The following ADTRP variants were observed in gnomAD, a reference collection of about 807,000 sequenced individuals.
ADTRP encodes the protein androgen dependent TFPI regulating protein, also known as androgen-dependent TFPI-regulating protein.
A neutral mutation model predicts 27.0 loss-of-function variants in ADTRP; 20 were observed. The ratio of observed to expected loss-of-function variants is 0.74; its 90% confidence interval spans 0.52 to 1.08. The LOEUF (loss-of-function observed/expected upper bound fraction) is 1.08, where lower values mean the gene tolerates loss of function less well. Ranked by LOEUF, ADTRP falls within the 50% of genes least tolerant of loss-of-function variation. The pLI is 0.00. For missense variants in ADTRP, 251 were observed against 275.0 expected (o/e 0.91, Z 0.62); for synonymous variants, 101 against 105.2 (o/e 0.96, Z 0.25).
intron 4 of ADTRP, among the ~76,000 whole-genome samples, chr6:11,730,895 T>TGGCTGCTGTGGC (rs1424587456): frequency 6.6e-6 from 1 of 152,096 alleles, no homozygotes; most frequent in Non-Finnish European, 1.5e-5. Context: ...CCAGCTGGGG[T>TGGCTGCTGTGGC]GGTTGCTGTG....
chr6:11,739,313 G>C (rs78104315), intron 3 of ADTRP, among the ~76,000 whole-genome samples: 1,539 of 152,254 alleles, frequency 0.01, 37 homozygotes, highest in East Asian at 0.073. Flanking sequence ...TGCGTAAACA[G>C]AGGGGATCTA....
intron 1 of ADTRP, among the ~76,000 whole-genome samples, chr6:11,776,971 G>A (rs1293559485): frequency 6.6e-6 from 1 of 152,204 alleles, no homozygotes; most frequent in African/African-American, 2.4e-5. Context: ...GGCTGGATTG[G>A]ACCATGAATG....
intron 3 of ADTRP, among the ~76,000 whole-genome samples, chr6:11,751,014 G>A (rs931090125): frequency 6.6e-6 from 1 of 152,152 alleles, no homozygotes; most frequent in South Asian, 2.1e-4. Flanking sequence ...ACCACACCTG[G>A]CTAATTTTTG....
At chr6:11,747,547 AT>A (rs1321960972) in intron 3 of ADTRP, among the ~76,000 whole-genome samples, 1 of 152,218 alleles carries the variant, frequency 6.6e-6, no homozygotes, top group African/African-American at 2.4e-5. Context: ...AAGAAACTTG[AT>A]TGCTATTGGA....
At chr6:11,758,591 A>C (rs910587974) in intron 3 of ADTRP, among the ~76,000 whole-genome samples, 114 of 125,562 alleles carry the variant, frequency 9.1e-4, no homozygotes, top group Non-Finnish European at 1.6e-3. Context: ...GGGGGGACGG[A>C]TAGCATTAGG....
intron 1 of ADTRP, among the ~76,000 whole-genome samples, chr6:11,772,272 GT>G (rs1224269198): frequency 6.6e-6 from 1 of 152,106 alleles, no homozygotes; most frequent in African/African-American, 2.4e-5. Context: ...TTTTGTTTCT[GT>G]TGCTAGCTGA....
chr6:11,734,469 G>A (rs751153153), intron 4 of ADTRP, among the ~76,000 whole-genome samples: 3 of 152,212 alleles, frequency 2.0e-5, no homozygotes, highest in Non-Finnish European at 4.4e-5. Context: ...ATAGAGCACT[G>A]GAGTCTGGGG....
chr6:11,763,135 C>T (rs1763446268), intron 3 of ADTRP, among the ~76,000 whole-genome samples: 1 of 152,178 alleles, frequency 6.6e-6, no homozygotes, highest in Non-Finnish European at 1.5e-5. Context: ...TCTATTTAGT[C>T]TGAATACACA....
At chr6:11,770,306 A>T (rs1254467564) in intron 1 of ADTRP, among the ~76,000 whole-genome samples, 2 of 152,140 alleles carry the variant, frequency 1.3e-5, no homozygotes, top group Admixed American at 1.3e-4. Context: ...GGTGATTCTA[A>T]TCACGGGCAG....
intron 5 of ADTRP, among the ~76,000 whole-genome samples, chr6:11,718,344 T>G (rs1383303480): frequency 6.6e-6 from 1 of 152,232 alleles, no homozygotes; most frequent in African/African-American, 2.4e-5. Context: ...CCTGGAGGTG[T>G]TTAGCCCCTT....
At chr6:11,718,657 T>C (rs1421978990) in intron 5 of ADTRP, among the ~76,000 whole-genome samples, 1 of 152,174 alleles carries the variant, frequency 6.6e-6, no homozygotes, top group African/African-American at 2.4e-5. Flanking sequence ...TAACATTCCA[T>C]CTAACTCCTC....
intron 5 of ADTRP, among the ~76,000 whole-genome samples, chr6:11,720,596 C>T (rs904436035): frequency 3.9e-5 from 6 of 152,030 alleles, no homozygotes; most frequent in South Asian, 2.1e-4. Context: ...CTCAGCCTCC[C>T]GCGTAGCTGG....
At chr6:11,763,726 A>C (rs1336378792) in intron 3 of ADTRP, among the ~76,000 whole-genome samples, 1 of 152,254 alleles carries the variant, frequency 6.6e-6, no homozygotes, top group East Asian at 1.9e-4. Flanking sequence ...TTGGCAGAGA[A>C]CATTCCTTGA....
chr6:11,726,909 G>A (rs1028393480), intron 4 of ADTRP, among the ~76,000 whole-genome samples: 6 of 152,132 alleles, frequency 3.9e-5, no homozygotes, highest in African/African-American at 9.7e-5. Flanking sequence ...TTAGTTCCTC[G>A]CCTGGGCCCT....
intron 3 of ADTRP, among the ~76,000 whole-genome samples, chr6:11,739,994 C>T (rs1002478077): frequency 6.6e-6 from 1 of 152,142 alleles, no homozygotes; most frequent in African/African-American, 2.4e-5. Context: ...AATATATAAT[C>T]TCTGCTTCTT....
intron 3 of ADTRP, chr6:11,735,916 G>T: frequency 2.3e-6 from 1 of 429,298 alleles, no homozygotes; most frequent in East Asian, 4.1e-5. Flanking sequence ...CCCTCTCTCT[G>T]GTCCTGCTTA....
rs181949646 is a variant in ADTRP at position 11,770,487 on chromosome 6, A to C, written c.154-2104T>G. Reference sequence around the variant, plus strand: ...AACAGAAAAGCAGGCAGCAGACAGCAGGGAAAGGTCCTTGTCTAAGGGACA... The same window carrying C: ...AACAGAAAAGCAGGCAGCAGACAGCCGGGAAAGGTCCTTGTCTAAGGGACA... On this transcript the variant is annotated intron_variant, in intron 1 of 5. Coordinates refer to ENST00000414691, the MANE Select transcript of ADTRP (RefSeq NM_032744.4). Among the ~76,000 whole-genome samples the C allele has an allele frequency of 2.7e-3, 409 of 152,096 alleles. 1 individual carries two copies. Among genetic ancestry groups the C allele is most frequent in the Non-Finnish European group, 4.8e-3 (328 of 67,986 alleles).
intron 3 of ADTRP, among the ~76,000 whole-genome samples, chr6:11,754,455 C>G (rs2235406): frequency 0.13 from 20,357 of 152,038 alleles, 1,761 homozygotes; most frequent in East Asian, 0.48. Context: ...AAGGGCAGAG[C>G]TGAAAATTCA....
intron 4 of ADTRP, among the ~76,000 whole-genome samples, chr6:11,729,146 A>T (rs887605269): frequency 2.6e-5 from 4 of 152,180 alleles, no homozygotes; most frequent in African/African-American, 9.7e-5. Flanking sequence ...TGGCAGATAA[A>T]CAGATAACGG....
Sources: gnomAD v4.1 joint callset for allele counts (sites outside exome capture counted in the v4.1 genomes callset) on GRCh38, gnomAD v4.1.1 for gene constraint, MANE v1.5 for transcripts, NCBI Gene and HGNC (gene_info 2026-07-23, HGNC 2026-07-21) for gene names.